The following MMP17 variants were observed in gnomAD, a reference collection of about 807,000 sequenced individuals.
MMP17 encodes the protein matrix metalloproteinase-17.
MMP17 carries 54 observed loss-of-function variants against 49.1 expected under a neutral mutation model. The ratio of observed to expected loss-of-function variants is 1.10; its 90% CI spans 0.88 to 1.38. MMP17 has a LOEUF of 1.38. Among genes scored for constraint, MMP17 ranks in the 40% most tolerant of loss-of-function variants. MMP17 has a pLI of 0.00. For synonymous variants in MMP17, 397 were observed against 383.1 expected (o/e 1.04, Z -0.42); for missense variants, 837 against 853.7 (o/e 0.98, Z 0.24).
At position 131,850,018 on chromosome 12, in the gene MMP17, G is replaced by T. The variant is rs1016615677; in HGVS notation, c.1421G>T (p.Gly474Val). The stretch of plus-strand genomic sequence containing the variant: ...CCCGCCCAGAGCCCCCTGTGGAGGG[G>T]TGTCCCCAGCACGCTGGACGACGCC... Reference protein sequence around the residue: ...GYPAQSPLWRGVPSTLDDAMR... With the variant: ...GYPAQSPLWRVVPSTLDDAMR... Residue 474 changes from glycine (G) to valine (V), a missense_variant, in exon 9 of 10, where the codon GGT becomes GTT. Coordinates refer to ENST00000360564, the MANE Select transcript of MMP17 (RefSeq NM_016155.7). 2 of 1,613,386 alleles carry T rather than the reference G, an allele frequency of 1.2e-6. No individual in the cohort carries two copies. The highest frequency in any genetic ancestry group is 1.7e-6 in the Non-Finnish European group (2 of 1,179,872).
chr12:131,841,505 G>T, intron 4 of MMP17, 119 bp from the exon 5 acceptor site: 10 of 1,045,528 alleles, frequency 9.6e-6, no homozygotes, highest in Non-Finnish European at 1.2e-5. Context: ...TCCCTCTGGC[G>T]CAGCCGGCAT....
At position 131,835,845 on chromosome 12, in the gene MMP17, A is replaced by G. The variant is rs547560152; in HGVS notation, c.160-2350A>G. 6.6e-5 allele frequency among the ~76,000 whole-genome samples: 10 copies of G among 152,310 alleles called. No homozygotes were observed. The East Asian group carries it at 1.7e-3, about 26-fold the overall frequency. On this transcript the variant is annotated intron_variant, in intron 1 of 9. Transcript: ENST00000360564. Reference sequence around the variant, plus strand: ...AGCTGTGATCTTAACAAAGGACTAAAAAGTGCAGAATGTGCTGATGGGCAT... The same window carrying G: ...AGCTGTGATCTTAACAAAGGACTAAGAAGTGCAGAATGTGCTGATGGGCAT...
rs763938699 is a variant in MMP17 at position 131,851,067 on chromosome 12, C to T, written c.1605C>T (p.Gly535=). Residue 535 remains glycine (G), a synonymous_variant, in exon 10 of 10, where the codon GGC becomes GGT. Coordinates refer to ENST00000360564, the MANE Select transcript of MMP17 (RefSeq NM_016155.7). The part of the protein sequence containing the change: ...DSQADGSVAA[G]VDAAEGPRAP... ...AGGCCGATGGATCTGTGGCTGCGGG[C>T]GTGGACGCGGCAGAGGGGCCCCGCG... is the stretch of plus-strand genomic sequence containing the variant. The T allele has an allele frequency of 1.6e-5, 25 of 1,607,210 alleles. No individual in the cohort carries two copies. The highest frequency in any genetic ancestry group is 1.0e-4 in the South Asian group (9 of 90,182).
chr12:131,850,878 T>A, intron 9 of MMP17, 47 bp from the exon 10 acceptor site: 1 of 1,385,416 alleles, frequency 7.2e-7, no homozygotes, highest in Non-Finnish European at 9.5e-7. Context: ...CTCGAGCCCC[T>A]CCTGCTGCAG....
rs1259846068 is a variant in MMP17, at chr12:131,846,194, G to A, written c.1204+745G>A. ...CCACGAGTCCGAAATCAAGGGCTAG[G>A]CAGGGTGGGTCCCCTCTGGAGGCTG... On this transcript the variant is annotated intron_variant, in intron 8 of 9. Transcript: ENST00000360564. The surrounding 1 kb of genome is among the most constrained non-coding windows in gnomAD (Gnocchi z 4.6). 6.6e-6 allele frequency among the ~76,000 whole-genome samples: 1 copy of A among 152,084 alleles called. No individual in the cohort carries two copies. The highest frequency in any genetic ancestry group is 1.5e-5 in the Non-Finnish European group (1 of 68,004).
At chr12:131,841,384 A>G (rs917094758) in intron 4 of MMP17, among the ~76,000 whole-genome samples, 1 of 152,202 alleles carries the variant, frequency 6.6e-6, no homozygotes, top group Non-Finnish European at 1.5e-5. Flanking sequence ...CTTATGCAGA[A>G]AAGGTTATCA....
chr12:131,851,601 C>G lies in MMP17; in HGVS notation c.*327C>G, dbSNP rs924277386. 1 of 298,646 alleles carries G rather than the reference C, an allele frequency of 3.3e-6. No individual in the cohort carries two copies. The allele number at this position is 298,646 out of a possible 1,614,324, so 18.5% of individuals were successfully genotyped here. On this transcript the variant is annotated 3_prime_UTR_variant, in exon 10 of 10. Coordinates refer to ENST00000360564, the MANE Select transcript of MMP17 (RefSeq NM_016155.7). Reference sequence around the variant, plus strand: ...GCTGGGGGCCCACCCCTCTCTGTGCCGGCGCCACCAACCCCACCCACACTG... The same window carrying G: ...GCTGGGGGCCCACCCCTCTCTGTGCGGGCGCCACCAACCCCACCCACACTG...
At chr12:131,844,270 C>A in intron 6 of MMP17, 189 bp downstream of exon 6, 1 of 594,792 alleles carries the variant, frequency 1.7e-6, no homozygotes, top group South Asian at 2.0e-5. Flanking sequence ...TGCCAGGGGT[C>A]CTGCACAGAA....
intron 1 of MMP17, among the ~76,000 whole-genome samples, chr12:131,829,456 G>T (rs1441922889): frequency 6.6e-6 from 1 of 151,938 alleles, no homozygotes; most frequent in Non-Finnish European, 1.5e-5. Flanking sequence ...TGGGGTCAGC[G>T]CCCCCCCGCT....
intron 5 of MMP17, among the ~76,000 whole-genome samples, chr12:131,842,492 G>A (rs1267784022): frequency 6.6e-6 from 1 of 152,054 alleles, no homozygotes; most frequent in Non-Finnish European, 1.5e-5. Flanking sequence ...TCACTTTTTT[G>A]GCCGGATGCA....
intron 5 of MMP17, among the ~76,000 whole-genome samples, chr12:131,842,040 G>A (rs1887444453): frequency 1.3e-5 from 2 of 152,240 alleles, no homozygotes; most frequent in Admixed American, 1.3e-4. Flanking sequence ...GACAGGCAGG[G>A]TTGATGGCGT....
chr12:131,836,851 G>A (rs1259184742), intron 1 of MMP17, among the ~76,000 whole-genome samples: 1 of 152,186 alleles, frequency 6.6e-6, no homozygotes, highest in Non-Finnish European at 1.5e-5. Context: ...CCATTTGGCG[G>A]TTGAAGAAAC....
intron 8 of MMP17, 101 bp from the exon 9 acceptor site, chr12:131,849,701 C>G (rs1887873951): frequency 7.2e-7 from 1 of 1,396,924 alleles, no homozygotes; most frequent in Admixed American, 2.2e-5. Flanking sequence ...AGGTGAGGGG[C>G]CAGGGCAAGG....
chr12:131,838,268 T>A lies in MMP17; in HGVS notation c.233T>A (p.Leu78Gln). The A allele has an allele frequency of 6.2e-7, 1 of 1,613,214 alleles. No homozygotes were observed. The highest frequency in any genetic ancestry group is 8.5e-7 in the Non-Finnish European group (1 of 1,179,944). Residue 78 changes from leucine (L) to glutamine (Q), a missense_variant, in exon 2 of 10, where the codon CTG becomes CAG. By Grantham distance (113) the Leu-to-Gln change is moderately radical (BLOSUM62 -2). Transcript: ENST00000360564. ...TTGQLQTQEE[L>Q]SKAITAMQQF... ...GGGCAGCTGCAGACGCAAGAGGAGCTGTCTAAGGCCATCACAGCCATGCAG... is the reference window on the plus strand; with the variant it reads ...GGGCAGCTGCAGACGCAAGAGGAGCAGTCTAAGGCCATCACAGCCATGCAG...
At chr12:131,843,233 TG>T (rs1362281381) in intron 5 of MMP17, among the ~76,000 whole-genome samples, 8 of 150,976 alleles carry the variant, frequency 5.3e-5, no homozygotes, top group Non-Finnish European at 8.8e-5. Context: ...CCCAAAGTGC[TG>T]GGATTATAGG....
At position 131,843,999 on chromosome 12, in the gene MMP17, G is replaced by A; in HGVS notation, c.886G>A (p.Val296Met). Residue 296 changes from valine to methionine, a missense_variant and splice_region_variant, in exon 6 of 10, where the codon GTG (valine) becomes ATG (methionine). By Grantham distance (21) the Val-to-Met change is conservative (BLOSUM62 1). Coordinates refer to ENST00000360564, the MANE Select transcript of MMP17 (RefSeq NM_016155.7). ...DKVRVWQLYG[V>M]RESVSPTAQP... is the part of the protein sequence containing the mutation. ...GTCCTCCTCCTTGTCTCCCGCAGGT[G>A]TGCGGGAGTCTGTGTCTCCCACGGC... is the stretch of plus-strand genomic sequence containing the variant. The A allele has an allele frequency of 1.3e-6, 2 of 1,555,370 alleles. No homozygotes were observed. Among genetic ancestry groups the A allele is most frequent in the South Asian group, 1.2e-5 (1 of 84,794 alleles).
In MMP17 at chr12:131,841,640, C is replaced by T. The variant is rs1365024349; in HGVS notation, c.723C>T (p.Asp241=). ...TFRSSDAHGM[D]LFAVAVHEFG... is the part of the protein sequence containing the mutation. Reference sequence around the variant, plus strand: ...TGTCCCCAGATGCCCACGGGATGGACCTGTTTGCAGTGGCTGTCCACGAGT... The same window carrying T: ...TGTCCCCAGATGCCCACGGGATGGATCTGTTTGCAGTGGCTGTCCACGAGT... Residue 241 remains aspartate, a synonymous_variant, in exon 5 of 10, where the codon GAC becomes GAT. Transcript: ENST00000360564. 3 of 1,614,062 alleles carry T rather than the reference C, an allele frequency of 1.9e-6. No homozygotes were observed. The South Asian group carries it at 3.3e-5, about 18-fold the overall frequency.
intron 5 of MMP17, 134 bp from the exon 6 acceptor site, chr12:131,843,863 T>C: frequency 1.6e-6 from 1 of 634,264 alleles, no homozygotes; most frequent in Non-Finnish European, 2.7e-6. Flanking sequence ...GTCTCGCTGA[T>C]CGCAGCTGCG....
At chr12:131,843,893 C>T (rs1887553758) in intron 5 of MMP17, 104 bp from the exon 6 acceptor site, 3 of 796,136 alleles carry the variant, frequency 3.8e-6, no homozygotes, top group Middle Eastern at 3.5e-4. Context: ...AGCCTGTCTG[C>T]TGAGTGGCCT....
Sources: gnomAD v4.1 joint callset for allele counts (sites outside exome capture counted in the v4.1 genomes callset) on GRCh38, gnomAD v4.1.1 for gene constraint, Gnocchi (gnomAD v3.1) non-coding constraint, MANE v1.5 for transcripts, NCBI Gene and HGNC (gene_info 2026-07-23, HGNC 2026-07-21) for gene names.